The following MIPOL1 variants were observed in gnomAD, a reference collection of about 807,000 sequenced individuals.
The protein encoded by MIPOL1 is mirror-image polydactyly 1.
In MIPOL1, 57 loss-of-function variants were observed where a neutral mutation model predicts 60.9. That is an observed-to-expected ratio of 0.94 (90% confidence interval 0.76 to 1.17). The LOEUF (loss-of-function observed/expected upper bound fraction) is 1.17, where lower values mean the gene tolerates loss of function less well. MIPOL1 is among the 50% of genes most tolerant of loss of function. The pLI is 0.00. For synonymous variants in MIPOL1, 179 were observed against 168.8 expected, an observed-to-expected ratio of 1.06 and a Z score of -0.47; for missense variants, 551 against 511.6, an observed-to-expected ratio of 1.08 and a Z score of -0.74.
chr14:37,297,701 C>G (rs1042824854), intron 7 of MIPOL1, among the ~76,000 whole-genome samples: 1 of 152,046 alleles, frequency 6.6e-6, no homozygotes, highest in African/African-American at 2.4e-5. Context: ...AACTCCCATT[C>G]ACAATTGCTT....
chr14:37,381,406 G>T (rs1193493606), intron 10 of MIPOL1, among the ~76,000 whole-genome samples: 6 of 152,050 alleles, frequency 3.9e-5, no homozygotes, highest in Non-Finnish European at 8.8e-5. Context: ...AGAAGAGCAG[G>T]TGTCTCTGAT....
At chr14:37,545,837 G>T in intron 12 of MIPOL1, 1 of 430,676 alleles carries the variant, frequency 2.3e-6, no homozygotes, top group Non-Finnish European at 4.2e-6. Context: ...TTTATTTGCA[G>T]AGGACCCTCA....
At chr14:37,524,645 G>A (rs1240379775) in intron 12 of MIPOL1, among the ~76,000 whole-genome samples, 3 of 134,460 alleles carry the variant, frequency 2.2e-5, no homozygotes, top group African/African-American at 8.7e-5. Context: ...TCAGCTCACT[G>A]CAACCTCTGG....
At chr14:37,458,805 T>G (rs1256321520) in intron 11 of MIPOL1, among the ~76,000 whole-genome samples, 1 of 151,968 alleles carries the variant, frequency 6.6e-6, no homozygotes, top group Non-Finnish European at 1.5e-5. Flanking sequence ...TGAGCCGAGA[T>G]TGTGCCGCTG....
At chr14:37,342,555 G>A (rs191927455) in intron 9 of MIPOL1, among the ~76,000 whole-genome samples, 4 of 151,770 alleles carry the variant, frequency 2.6e-5, no homozygotes, top group East Asian at 4.0e-4. Context: ...GCACCACCAC[G>A]CCTGGCTAAG....
intron 11 of MIPOL1, among the ~76,000 whole-genome samples, chr14:37,496,004 G>A (rs906251097): frequency 1.3e-5 from 2 of 150,756 alleles, no homozygotes; most frequent in Non-Finnish European, 3.0e-5. Flanking sequence ...ATTTGTTTGA[G>A]TTCATTGTAG....
At chr14:37,537,038 A>G (rs2095509382) in intron 12 of MIPOL1, among the ~76,000 whole-genome samples, 1 of 152,144 alleles carries the variant, frequency 6.6e-6, no homozygotes, top group Non-Finnish European at 1.5e-5. Context: ...AAACCTAGGT[A>G]TCTACTCTGC....
intron 9 of MIPOL1, among the ~76,000 whole-genome samples, chr14:37,320,574 G>GT (rs1355311786): frequency 6.6e-6 from 1 of 151,760 alleles, no homozygotes; most frequent in Non-Finnish European, 1.5e-5. Context: ...TCTTAATGCT[G>GT]TCTTTTGATG....
At chr14:37,241,112 A>T (rs537224836) in intron 1 of MIPOL1, among the ~76,000 whole-genome samples, 1 of 152,118 alleles carries the variant, frequency 6.6e-6, no homozygotes, top group African/African-American at 2.4e-5. Context: ...AGCTGATGGT[A>T]TATTTCCAGT....
chr14:37,471,994 G>C (rs1018121411), intron 11 of MIPOL1, among the ~76,000 whole-genome samples: 3 of 152,130 alleles, frequency 2.0e-5, no homozygotes, highest in Non-Finnish European at 4.4e-5. Context: ...TCAATGCAGT[G>C]ACCCAATTCC....
At chr14:37,384,479 CTT>C (rs768086548) in intron 10 of MIPOL1, among the ~76,000 whole-genome samples, 2 of 151,630 alleles carry the variant, frequency 1.3e-5, no homozygotes, top group Non-Finnish European at 2.9e-5. Context: ...GCAGACATCT[CTT>C]TATTTAAAGC....
chr14:37,457,749 A>G (rs931545931), intron 11 of MIPOL1, among the ~76,000 whole-genome samples: 5 of 152,162 alleles, frequency 3.3e-5, no homozygotes, highest in African/African-American at 9.7e-5. Context: ...ATGTATTCCT[A>G]TATGTCCTTG....
At chr14:37,199,303 A>G (rs1688650399) in intron 1 of MIPOL1, among the ~76,000 whole-genome samples, 1 of 152,174 alleles carries the variant, frequency 6.6e-6, no homozygotes, top group Non-Finnish European at 1.5e-5. Context: ...CAACATTATC[A>G]ATGAATTTCA....
intron 9 of MIPOL1, among the ~76,000 whole-genome samples, chr14:37,352,270 G>GT (rs1485226000): frequency 7.5e-5 from 1 of 13,402 alleles, no homozygotes; most frequent in African/African-American, 2.3e-4. Flanking sequence ...CTATATCTCT[G>GT]TTTTGGTACC....
At chr14:37,522,511 C>T (rs948579855) in intron 12 of MIPOL1, among the ~76,000 whole-genome samples, 1 of 152,114 alleles carries the variant, frequency 6.6e-6, no homozygotes, top group Non-Finnish European at 1.5e-5. Context: ...CTGAAGTATG[C>T]TGCAACTTAC....
rs1432503742 is a variant in MIPOL1 at position 37,547,102 on chromosome 14, A to G, written c.*131A>G. On this transcript the variant is annotated 3_prime_UTR_variant, in exon 13 of 13. Transcript: ENST00000684589. ...AAGTGGGACACTCCAACCACATTCCAAGCTGAGATAAAATCAAATCACAAA... is the reference window on the plus strand; with the variant it reads ...AAGTGGGACACTCCAACCACATTCCGAGCTGAGATAAAATCAAATCACAAA... The G allele has an allele frequency of 3.0e-6, 2 of 677,328 alleles. No individual in the cohort carries two copies. The highest frequency in any genetic ancestry group is 3.6e-5 in the African/African-American group (2 of 54,888). 42.0% of individuals were successfully genotyped at this position (677,328 alleles called of 1,614,324 possible). A position where few individuals can be genotyped will look rare whatever the true frequency, so the allele number is the denominator to read the frequency against.
At chr14:37,339,294 A>T (rs1248982726) in intron 9 of MIPOL1, among the ~76,000 whole-genome samples, 1 of 152,232 alleles carries the variant, frequency 6.6e-6, no homozygotes, top group Non-Finnish European at 1.5e-5. Context: ...AATTAAAAAG[A>T]CAGACAACAG....
chr14:37,529,382 C>G (rs146997365), intron 12 of MIPOL1, among the ~76,000 whole-genome samples: 1 of 152,256 alleles, frequency 6.6e-6, no homozygotes, highest in South Asian at 2.1e-4. Flanking sequence ...CCTTTGCCCA[C>G]GAGAATTTTA....
At chr14:37,248,709 G>A (rs1007096518) in intron 3 of MIPOL1, among the ~76,000 whole-genome samples, 6 of 151,852 alleles carry the variant, frequency 4.0e-5, no homozygotes, top group Non-Finnish European at 7.4e-5. Flanking sequence ...CAGAGAAACA[G>A]ACACACCTAA....
Sources: allele counts gnomAD v4.1 joint callset (sites outside exome capture counted in the v4.1 genomes callset), GRCh38; gene constraint gnomAD v4.1.1; transcripts MANE v1.5; gene names NCBI Gene and HGNC (gene_info 2026-07-23, HGNC 2026-07-21).